The following FOXN1 variants were observed in gnomAD, a reference collection of about 807,000 sequenced individuals.
FOXN1 encodes the protein forkhead box N1, also known as forkhead box protein N1.
A neutral mutation model predicts 49.0 loss-of-function variants in FOXN1; 15 were observed. The observed-to-expected ratio is 0.31, with a 90% CI of 0.20 to 0.47. The LOEUF is 0.47. FOXN1 is among the 20% of genes least tolerant of loss of function. The pLI is 1.00. For synonymous variants in FOXN1, 356 were observed against 369.0 expected (o/e 0.96, Z 0.40); for missense variants, 800 against 842.8 (o/e 0.95, Z 0.63).
chr17:28,510,285 G>GAC (rs377424955), intron 1 of FOXN1, among the ~76,000 whole-genome samples: 4 of 151,344 alleles, frequency 2.6e-5, no homozygotes, highest in African/African-American at 9.7e-5. Flanking sequence ...TACACACAGA[G>GAC]ACACACACAC....
Position 28,534,600 on chromosome 17 carries a change from A to AG in FOXN1, c.1135+62_1135+63insG, listed in dbSNP as rs376070652. ...GTACTCATGAGCCAAAAAAAAAAAA[A>AG]AGAGAGAATCAGAGAATGAGGCAAG... On this transcript the variant is annotated intron_variant, in intron 7 of 8. Transcript: ENST00000579795. This position sits in a 1 kb window ranked among gnomAD's most constrained non-coding sequence, Gnocchi z 4.1. 385 of 1,578,062 alleles carry AG rather than the reference A, an allele frequency of 2.4e-4. No homozygotes were observed. The highest frequency in any genetic ancestry group is 1.1e-3 in the African/African-American group (79 of 73,012).
intron 1 of FOXN1, among the ~76,000 whole-genome samples, chr17:28,513,703 C>G (rs1171949094): frequency 6.6e-6 from 1 of 152,244 alleles, no homozygotes; most frequent in Admixed American, 6.5e-5. Context: ...GTATTTATAC[C>G]TCGATGGAGG....
chr17:28,525,053 A>C (rs1200778359), intron 3 of FOXN1, 86 bp downstream of exon 3: 1 of 1,050,164 alleles, frequency 9.5e-7, no homozygotes, highest in African/African-American at 1.6e-5. Context: ...CTGAGACCAA[A>C]GTCCCACCTT....
At chr17:28,510,711 G>A (rs2069377978) in intron 1 of FOXN1, among the ~76,000 whole-genome samples, 1 of 152,192 alleles carries the variant, frequency 6.6e-6, no homozygotes, top group African/African-American at 2.4e-5. Context: ...CTGTCAGTGG[G>A]GGCAGTGTCC....
At chr17:28,533,998 G>T (rs568194504) in intron 6 of FOXN1, among the ~76,000 whole-genome samples, 1 of 152,210 alleles carries the variant, frequency 6.6e-6, no homozygotes, top group Non-Finnish European at 1.5e-5. Flanking sequence ...GCTTCAGATG[G>T]GAGAGTGTTG....
At chr17:28,527,999 C>A in intron 4 of FOXN1, among the ~76,000 whole-genome samples, 1 of 152,234 alleles carries the variant, frequency 6.6e-6, no homozygotes, top group East Asian at 1.9e-4. Flanking sequence ...AGCAGCCAGG[C>A]AGCTCCCAGG....
At chr17:28,514,567 C>T (rs1358023155) in intron 1 of FOXN1, among the ~76,000 whole-genome samples, 1 of 152,084 alleles carries the variant, frequency 6.6e-6, no homozygotes, top group African/African-American at 2.4e-5. Context: ...CCATAATTGC[C>T]GAGCTGCTCC....
chr17:28,518,114 C>T (rs1369815560), intron 1 of FOXN1, among the ~76,000 whole-genome samples: 1 of 152,026 alleles, frequency 6.6e-6, no homozygotes, highest in Non-Finnish European at 1.5e-5. Context: ...CACACCTCCA[C>T]AGGGTACACA....
chr17:28,522,166 A>T (rs1019207298), intron 1 of FOXN1, among the ~76,000 whole-genome samples: 1 of 152,242 alleles, frequency 6.6e-6, no homozygotes, highest in African/African-American at 2.4e-5. Context: ...GGTGGAGTCA[A>T]TAATGCTCCT....
At chr17:28,527,217 G>C in intron 3 of FOXN1, 34 bp from the exon 4 acceptor site, 1 of 1,390,652 alleles carries the variant, frequency 7.2e-7, no homozygotes, top group Non-Finnish European at 1.0e-6. Context: ...AGAAAATAAG[G>C]CCTAATCTAG....
In FOXN1 at chr17:28,527,346, G is replaced by A. The variant is rs1467345454; in HGVS notation, c.684G>A (p.Gln228=). The A allele has an allele frequency of 3.1e-6, 5 of 1,611,048 alleles. No homozygotes were observed. The highest frequency in any genetic ancestry group is 1.6e-4 in the Middle Eastern group (1 of 6,082). The change falls in exon 4 of 9, where the codon CAG becomes CAA. Residue 228 remains glutamine, a synonymous_variant. Coordinates refer to ENST00000579795, the MANE Select transcript of FOXN1 (RefSeq NM_001369369.1). ...PPLQHMYCSS[Q]PPFHQYSPGG... is the part of the protein sequence containing the mutation. ...TGCAGCATATGTACTGCTCCTCCCAGCCCCCCTTCCACCAGGTGGGTCTGG... is the reference window on the plus strand; with the variant it reads ...TGCAGCATATGTACTGCTCCTCCCAACCCCCCTTCCACCAGGTGGGTCTGG...
chr17:28,510,734 GGAGA>G (rs2069378550), intron 1 of FOXN1, among the ~76,000 whole-genome samples: 1 of 152,204 alleles, frequency 6.6e-6, no homozygotes, highest in African/African-American at 2.4e-5. Flanking sequence ...AGCTTCCTCT[GGAGA>G]GGGTTCCTGG....
At chr17:28,511,843 TC>T (rs2069403703) in intron 1 of FOXN1, among the ~76,000 whole-genome samples, 1 of 151,948 alleles carries the variant, frequency 6.6e-6, no homozygotes, top group African/African-American at 2.4e-5. Flanking sequence ...AGTGAAGGCG[TC>T]CAGAGATTAT....
In FOXN1 at chr17:28,534,030, C is replaced by G. The variant is rs540823836; in HGVS notation, c.928-301C>G. Among the ~76,000 whole-genome samples, 1 of 152,132 alleles carries G rather than the reference C, an allele frequency of 6.6e-6. No individual in the cohort carries two copies. The highest frequency in any genetic ancestry group is 1.5e-5 in the Non-Finnish European group (1 of 68,040). On this transcript the variant is annotated intron_variant, in intron 6 of 8. Coordinates refer to ENST00000579795, the MANE Select transcript of FOXN1 (RefSeq NM_001369369.1). This position sits in a 1 kb window ranked among gnomAD's most constrained non-coding sequence, Gnocchi z 4.1. ...GTTGTGGGTCAGAAGGCCTCTGTAGCGCCCACCAGCCCTGGCTTTCCGAAT... is the reference window on the plus strand; with the variant it reads ...GTTGTGGGTCAGAAGGCCTCTGTAGGGCCCACCAGCCCTGGCTTTCCGAAT...
At chr17:28,533,883 C>T (rs1195398000) in intron 6 of FOXN1, among the ~76,000 whole-genome samples, 1 of 152,244 alleles carries the variant, frequency 6.6e-6, no homozygotes, top group South Asian at 2.1e-4. Context: ...GCATTCTTCC[C>T]CTAATTCCCC....
intron 1 of FOXN1, among the ~76,000 whole-genome samples, chr17:28,514,387 A>C (rs781251069): frequency 2.0e-5 from 3 of 152,104 alleles, no homozygotes; most frequent in Admixed American, 1.3e-4. Context: ...CCATTTTCCG[A>C]AACTGATGCT....
chr17:28,534,676 C>T lies in FOXN1; in HGVS notation c.1136-31C>T, dbSNP rs779918391. The T allele has an allele frequency of 5.1e-5, 82 of 1,612,932 alleles. No individual in the cohort carries two copies. The highest frequency in any genetic ancestry group is 6.1e-5 in the Non-Finnish European group (72 of 1,179,870). On this transcript the variant is annotated intron_variant, in intron 7 of 8. Coordinates refer to ENST00000579795, the MANE Select transcript of FOXN1 (RefSeq NM_001369369.1). This position sits in a 1 kb window ranked among gnomAD's most constrained non-coding sequence, Gnocchi z 4.1. ...GGAAGACTGTGGAGGAGGGAGGTCT[C>T]ATGGTGTTCTTTCTCTCTTGGGCCT...
chr17:28,512,789 G>C (rs1286025824), intron 1 of FOXN1, among the ~76,000 whole-genome samples: 1 of 152,206 alleles, frequency 6.6e-6, no homozygotes, highest in East Asian at 1.9e-4. Flanking sequence ...CTCCAGAGTA[G>C]CCAGGGAGGC....
In FOXN1 at chr17:28,534,139, G is replaced by T. The variant is rs1185162206; in HGVS notation, c.928-192G>T. Among the ~76,000 whole-genome samples, 1 of 152,154 alleles carries T rather than the reference G, an allele frequency of 6.6e-6. No homozygotes were observed. The highest frequency in any genetic ancestry group is 2.4e-5 in the African/African-American group (1 of 41,418). On this transcript the variant is annotated intron_variant, in intron 6 of 8. Coordinates refer to ENST00000579795, the MANE Select transcript of FOXN1 (RefSeq NM_001369369.1). This position sits in a 1 kb window ranked among gnomAD's most constrained non-coding sequence, Gnocchi z 4.1. ...GAGATGAAAATAACTTGGGGTCAAGGTTCCTGTTCACCCGTCCCCTACCAC... is the reference window on the plus strand; with the variant it reads ...GAGATGAAAATAACTTGGGGTCAAGTTTCCTGTTCACCCGTCCCCTACCAC...
Sources: gnomAD v4.1 joint callset for allele counts (sites outside exome capture counted in the v4.1 genomes callset) on GRCh38, gnomAD v4.1.1 for gene constraint, Gnocchi (gnomAD v3.1) non-coding constraint, MANE v1.5 for transcripts, NCBI Gene and HGNC (gene_info 2026-07-23, HGNC 2026-07-21) for gene names.